Variants in MORC3 observed in about 807,000 individuals in gnomAD.
MORC3 encodes MORC family CW-type zinc finger protein 3.
MORC3 carries 31 observed loss-of-function variants against 109.1 expected under a neutral mutation model. That is an observed-to-expected ratio of 0.28 (90% confidence interval 0.21 to 0.38). MORC3 has a LOEUF of 0.38. MORC3 is among the 10% of genes least tolerant of loss of function. The pLI is 1.00. For synonymous variants in MORC3, 395 were observed against 380.7 expected, an observed-to-expected ratio of 1.04 and a Z score of -0.44; for missense variants, 867 against 1,135.8, an observed-to-expected ratio of 0.76 and a Z score of 3.40.
At chr21:36,347,570 A>G (rs2085523448) in intron 8 of MORC3, among the ~76,000 whole-genome samples, 1 of 152,232 alleles carries the variant, frequency 6.6e-6, no homozygotes, top group Non-Finnish European at 1.5e-5. Flanking sequence ...TAAGTATCAG[A>G]TACCCATTGT....
chr21:36,375,521 A>T lies in MORC3; in HGVS notation c.*225A>T, dbSNP rs1376317769. 1 of 392,222 alleles carries T rather than the reference A, an allele frequency of 2.5e-6. No individual in the cohort carries two copies. The highest frequency in any genetic ancestry group is 2.1e-5 in the African/African-American group (1 of 47,584). The allele number at this position is 392,222 out of a possible 1,614,324, so 24.3% of individuals were successfully genotyped here. A position where few individuals can be genotyped will look rare whatever the true frequency, so the allele number is the denominator to read the frequency against. On this transcript the variant is annotated 3_prime_UTR_variant, in exon 17 of 17. Coordinates refer to ENST00000400485, the MANE Select transcript of MORC3 (RefSeq NM_015358.3). Reference sequence around the variant, plus strand: ...ATTGAGCAGCTGAAGCTAACTCATGACTCTGTTTTGAATGTAAATATTTGT... The same window carrying T: ...ATTGAGCAGCTGAAGCTAACTCATGTCTCTGTTTTGAATGTAAATATTTGT...
chr21:36,356,830 G>A, intron 10 of MORC3, 106 bp downstream of exon 10: 1 of 633,728 alleles, frequency 1.6e-6, no homozygotes. Context: ...GTAACTCATA[G>A]GAATAAATTC....
At chr21:36,364,405 T>C in intron 14 of MORC3, 146 bp downstream of exon 14, 1 of 931,744 alleles carries the variant, frequency 1.1e-6, no homozygotes, top group South Asian at 1.7e-5. Context: ...TCAGGACAAA[T>C]TGTCTTGCTT....
intron 9 of MORC3, among the ~76,000 whole-genome samples, chr21:36,354,102 A>T (rs1312520833): frequency 6.6e-6 from 1 of 151,794 alleles, no homozygotes; most frequent in Non-Finnish European, 1.5e-5. Context: ...AAACAAAATC[A>T]TAAGGAAGAG....
chr21:36,325,051 A>G (rs1233300915), intron 1 of MORC3, among the ~76,000 whole-genome samples: 1 of 152,178 alleles, frequency 6.6e-6, no homozygotes, highest in East Asian at 1.9e-4. Context: ...GCTGACTGCA[A>G]AATTTTCATA....
At chr21:36,346,062 C>A (rs2085504113) in intron 8 of MORC3, among the ~76,000 whole-genome samples, 1 of 152,070 alleles carries the variant, frequency 6.6e-6, no homozygotes, top group Non-Finnish European at 1.5e-5. Flanking sequence ...ACTCTGTCAC[C>A]CAGGCTGGAG....
intron 1 of MORC3, among the ~76,000 whole-genome samples, chr21:36,322,730 A>G (rs2085207438): frequency 6.6e-6 from 1 of 152,178 alleles, no homozygotes; most frequent in Non-Finnish European, 1.5e-5. Context: ...GATGAAATGC[A>G]GAGTGACAAA....
chr21:36,367,674 C>G (rs73905809), intron 14 of MORC3, among the ~76,000 whole-genome samples: 1,664 of 152,234 alleles, frequency 0.011, 33 homozygotes, highest in African/African-American at 0.038. Flanking sequence ...TGCATTTCCA[C>G]TAACTACAGA....
At chr21:36,336,366 TGGA>T (rs1375810490) in intron 2 of MORC3, among the ~76,000 whole-genome samples, 3 of 151,990 alleles carry the variant, frequency 2.0e-5, no homozygotes, top group African/African-American at 7.2e-5. Flanking sequence ...TCTTAGCCTC[TGGA>T]TTAGCTGGGA....
At chr21:36,343,305 G>T (rs140257093) in intron 6 of MORC3, among the ~76,000 whole-genome samples, 7,866 of 152,060 alleles carry the variant, frequency 0.052, 265 homozygotes, top group Middle Eastern at 0.11. Flanking sequence ...ATGTTGGCCA[G>T]ACTGGTCTCG....
At chr21:36,356,014 C>A (rs1481582293) in intron 9 of MORC3, among the ~76,000 whole-genome samples, 1 of 152,046 alleles carries the variant, frequency 6.6e-6, no homozygotes, top group Admixed American at 6.6e-5. Flanking sequence ...TATAAAATTT[C>A]TTGGAGATGC....
chr21:36,371,527 G>C (rs2085866954), intron 15 of MORC3, among the ~76,000 whole-genome samples: 1 of 152,164 alleles, frequency 6.6e-6, no homozygotes, highest in Non-Finnish European at 1.5e-5. Flanking sequence ...ACAACATACT[G>C]AGTATTTCAT....
At chr21:36,359,242 C>T (rs1240206046) in intron 10 of MORC3, among the ~76,000 whole-genome samples, 1 of 152,146 alleles carries the variant, frequency 6.6e-6, no homozygotes, top group Non-Finnish European at 1.5e-5. Context: ...GCTATTAAGA[C>T]ATAAGTCACA....
Position 36,375,189 on chromosome 21 carries a change from A to G in MORC3, c.2713A>G (p.Met905Val). 1.2e-6 allele frequency: 2 copies of G among 1,613,980 alleles called. No individual in the cohort carries two copies. The highest frequency in any genetic ancestry group is 1.7e-6 in the Non-Finnish European group (2 of 1,179,904). Residue 905 changes from methionine to valine, a missense_variant, in exon 17 of 17, where the codon ATG becomes GTG. By Grantham distance (21) the Met-to-Val change is conservative. Transcript: ENST00000400485. ...AGTTAACGTAGGACAACTGCTGGCT[A>G]TGATTGTGCCTGATCTTGATCTTCA... ...LRVNVGQLLA[M>V]IVPDLDLQQV...
intron 5 of MORC3, among the ~76,000 whole-genome samples, chr21:36,340,585 G>A (rs931744075): frequency 6.7e-6 from 1 of 148,924 alleles, no homozygotes; most frequent in African/African-American, 2.5e-5. Context: ...TGTATAGTTT[G>A]CACCTTTTCC....
intron 2 of MORC3, among the ~76,000 whole-genome samples, chr21:36,334,570 G>A (rs1169053230): frequency 6.6e-6 from 1 of 152,160 alleles, no homozygotes; most frequent in Non-Finnish European, 1.5e-5. Flanking sequence ...GAGTATCTGG[G>A]ATGACAAGTG....
Position 36,369,892 on chromosome 21 carries a change from C to T in MORC3, c.2508+16C>T. 1 of 1,603,620 alleles carries T rather than the reference C, an allele frequency of 6.2e-7. No individual in the cohort carries two copies. The highest frequency in any genetic ancestry group is 1.3e-5 in the African/African-American group (1 of 74,950). Reference sequence around the variant, plus strand: ...TAAAAGTGAGGTGAGTTATATCATCCAACATGTAGTCATGGAGTCCAGGGC... The same window carrying T: ...TAAAAGTGAGGTGAGTTATATCATCTAACATGTAGTCATGGAGTCCAGGGC... On this transcript the variant is annotated intron_variant, in intron 15 of 16. Transcript: ENST00000400485.
chr21:36,375,809 T>C lies in MORC3; in HGVS notation c.*513T>C, dbSNP rs1179883482. On this transcript the variant is annotated 3_prime_UTR_variant, in exon 17 of 17. Coordinates refer to ENST00000400485, the MANE Select transcript of MORC3 (RefSeq NM_015358.3). ...TAAGTGAATTGAGCATTAATGTTTC[T>C]TTTGTATAAATTCCTGTCCTGAAAT... 6.6e-6 allele frequency: 1 copy of C among 152,640 alleles called. No homozygotes were observed. The highest frequency in any genetic ancestry group is 1.9e-4 in the East Asian group (1 of 5,208). The allele number at this position is 152,640 out of a possible 1,614,324, so 9.5% of individuals were successfully genotyped here.
chr21:36,346,003 A>T (rs543624744), intron 8 of MORC3, among the ~76,000 whole-genome samples: 3 of 151,854 alleles, frequency 2.0e-5, no homozygotes, highest in East Asian at 3.9e-4. Context: ...CAGCACCTTA[A>T]TTTCTTTTAT....
Sources: allele counts gnomAD v4.1 joint callset (sites outside exome capture counted in the v4.1 genomes callset), GRCh38; gene constraint gnomAD v4.1.1; transcripts MANE v1.5; gene names NCBI Gene and HGNC (gene_info 2026-07-23, HGNC 2026-07-21).